Variants in SLC22A2 observed in about 807,000 individuals in gnomAD.
SLC22A2 encodes the protein organic cation transporter 2.
Under a neutral mutation model 60.5 loss-of-function variants are expected in SLC22A2, and 46 were observed. That is an observed-to-expected ratio of 0.76 (90% CI 0.60 to 0.97). The LOEUF (loss-of-function observed/expected upper bound fraction) is 0.97, where lower values mean the gene tolerates loss of function less well. Ranked by LOEUF, SLC22A2 falls within the 50% of genes least tolerant of loss-of-function variation. The pLI is 0.00. For missense variants in SLC22A2, 701 were observed against 706.6 expected, an observed-to-expected ratio of 0.99 and a Z score of 0.09; for synonymous variants, 303 against 267.0, an observed-to-expected ratio of 1.13 and a Z score of -1.31.
intron 9 of SLC22A2, among the ~76,000 whole-genome samples, chr6:160,236,780 GA>G (rs1226700114): frequency 1.3e-5 from 2 of 152,068 alleles, no homozygotes; most frequent in African/African-American, 4.8e-5. Context: ...CCAGGAGCCT[GA>G]GTTACCTAGG....
At position 160,249,318 on chromosome 6, in the gene SLC22A2, A is replaced by G. The variant is rs750500162; in HGVS notation, c.740T>C (p.Val247Ala). ...VGIFYQVAYT[V>A]GLLVLAGVAY... ...CACCCCAGCTAGCACCAGGAGCCCA[A>G]CTGTATAGGCAACTTGGTAAAAAAT... The change falls in exon 4 of 11, where the codon GTT (valine) becomes GCT (alanine). Residue 247 changes from valine (V) to alanine (A), a missense_variant. Coordinates refer to ENST00000366953, the MANE Select transcript of SLC22A2 (RefSeq NM_003058.4). The G allele has an allele frequency of 4.6e-5, 74 of 1,613,460 alleles. No homozygotes were observed. The Admixed American group carries it at 7.0e-4, about 15-fold the overall frequency.
rs1782671194 is a variant in SLC22A2 at position 160,223,251 on chromosome 6, A to C, written c.1601+1454T>G. ...CTAGAATTTTTTAATGTACTGTTTG[A>C]ATGGGTTCATATGGTCCAAAATTCA... On this transcript the variant is annotated intron_variant, in intron 10 of 10. Transcript: ENST00000366953. 2.6e-5 allele frequency among the ~76,000 whole-genome samples: 4 copies of C among 152,304 alleles called. No homozygotes were observed. The South Asian group carries it at 8.3e-4, about 32-fold the overall frequency.
intron 5 of SLC22A2, 40 bp downstream of exon 5, chr6:160,247,144 T>C (rs768928590): frequency 8.5e-7 from 1 of 1,176,990 alleles, no homozygotes. Context: ...AGCCTCCCTT[T>C]TCTCCATCCC....
chr6:160,258,617 A>T lies in SLC22A2; in HGVS notation c.141T>A (p.Pro47=), dbSNP rs1217962527. ...CTCCGGGGCTCCGGCAGCGGTGGTC[A>T]GGGGTGAAGCCCAGGAAGACGATGC... ...YVGIVFLGFT[P]DHRCRSPGVA... is the part of the protein sequence containing the mutation. The change falls in exon 1 of 11, where the codon CCT becomes CCA. Residue 47 remains proline, a synonymous_variant. Transcript: ENST00000366953. 6.2e-7 allele frequency: 1 copy of T among 1,613,800 alleles called. No homozygotes were observed. Among genetic ancestry groups the T allele is most frequent in the African/African-American group, 1.3e-5 (1 of 74,936 alleles).
chr6:160,228,227 C>G (rs756707918), intron 9 of SLC22A2, among the ~76,000 whole-genome samples: 1 of 152,146 alleles, frequency 6.6e-6, no homozygotes, highest in Non-Finnish European at 1.5e-5. Flanking sequence ...CTGGTGAACC[C>G]TGAAGGGAGG....
intron 9 of SLC22A2, among the ~76,000 whole-genome samples, chr6:160,234,243 T>G (rs1412154636): frequency 6.6e-6 from 1 of 152,206 alleles, no homozygotes; most frequent in Non-Finnish European, 1.5e-5. Context: ...GGACTCAGCC[T>G]GCCTGCACCC....
At chr6:160,222,377 AC>A (rs1271134426) in intron 10 of SLC22A2, among the ~76,000 whole-genome samples, 1 of 152,202 alleles carries the variant, frequency 6.6e-6, no homozygotes, top group Non-Finnish European at 1.5e-5. Flanking sequence ...GGGAAATGTG[AC>A]GGCAGGGCTC....
intron 2 of SLC22A2, among the ~76,000 whole-genome samples, chr6:160,255,128 T>C (rs1783248470): frequency 6.6e-6 from 1 of 152,176 alleles, no homozygotes; most frequent in South Asian, 2.1e-4. Context: ...TAAAGAATCA[T>C]CCTCAATTCT....
At position 160,217,728 on chromosome 6, in the gene SLC22A2, G is replaced by A. The variant is rs184290042; in HGVS notation, c.1602-230C>T. On this transcript the variant is annotated intron_variant, in intron 10 of 10. Transcript: ENST00000366953. ...AAATTATCTTGTTGAATTGGTACTG[G>A]CCTAAATAAGTTCCTTTTTTAGGGT... Among the ~76,000 whole-genome samples the A allele has an allele frequency of 8.5e-5, 13 of 152,246 alleles. No individual in the cohort carries two copies. The East Asian group carries it at 2.3e-3, about 27-fold the overall frequency.
rs1458549751 is a variant in SLC22A2 at position 160,245,542 on chromosome 6, G to C, written c.961C>G (p.Leu321Val). The part of the protein sequence containing the change: ...GKSLPASLQR[L>V]RLEEETGKKL... Reference sequence around the variant, plus strand: ...TTGCCAGTTTCCTCTTCAAGTCTCAGGCGCTAAGAAAAGGAATAGAAAGGA... The same window carrying C: ...TTGCCAGTTTCCTCTTCAAGTCTCACGCGCTAAGAAAAGGAATAGAAAGGA... Residue 321 changes from leucine (L) to valine (V), a missense_variant, in exon 6 of 11, where the codon CTG becomes GTG. By Grantham distance (32) the Leu-to-Val change is conservative. Transcript: ENST00000366953. 1.9e-6 allele frequency: 3 copies of C among 1,605,092 alleles called. No homozygotes were observed. Among genetic ancestry groups the C allele is most frequent in the Admixed American group, 3.4e-5 (2 of 59,582 alleles).
chr6:160,237,232 C>T (rs554135765), intron 9 of SLC22A2, among the ~76,000 whole-genome samples: 12 of 152,262 alleles, frequency 7.9e-5, no homozygotes, highest in Admixed American at 7.8e-4. Context: ...ATTCTGGGCT[C>T]ATTGGAATCA....
intron 10 of SLC22A2, among the ~76,000 whole-genome samples, chr6:160,220,213 A>G (rs1268083318): frequency 6.6e-6 from 1 of 152,218 alleles, no homozygotes; most frequent in African/African-American, 2.4e-5. Flanking sequence ...CATTTCAACA[A>G]TGTTCACAGG....
At chr6:160,246,034 A>T (rs976213520) in intron 5 of SLC22A2, among the ~76,000 whole-genome samples, 12 of 151,822 alleles carry the variant, frequency 7.9e-5, no homozygotes, top group African/African-American at 2.7e-4. Flanking sequence ...TGCCCAGCTA[A>T]TTTTTGTATT....
chr6:160,241,515 C>T lies in SLC22A2; in HGVS notation c.1460G>A (p.Arg487Gln), dbSNP rs151282335. ...GAGCTCAAGCCAGATGTTAGTGAGC[C>T]GGTAGACCAGGAATGGCGTGATGAT... ...GGIITPFLVY[R>Q]LTNIWLELPL... Residue 487 changes from arginine (R) to glutamine (Q), a missense_variant, in exon 9 of 11, where the codon CGG (arginine) becomes CAG (glutamine). Physicochemically the swap from Arg to Gln is conservative, Grantham distance 43 (BLOSUM62 1). Coordinates refer to ENST00000366953, the MANE Select transcript of SLC22A2 (RefSeq NM_003058.4). 62 of 1,613,536 alleles carry T rather than the reference C, an allele frequency of 3.8e-5. No individual in the cohort carries two copies. In the Admixed American group the frequency reaches 5.8e-4, roughly 15 times the overall value.
intron 9 of SLC22A2, among the ~76,000 whole-genome samples, chr6:160,241,130 C>CAG (rs4646238): frequency 2.6e-5 from 4 of 152,106 alleles, no homozygotes; most frequent in South Asian, 4.1e-4. Context: ...TGGAAATCAG[C>CAG]AGAGAGAGAG....
chr6:160,221,063 T>G (rs1782636916), intron 10 of SLC22A2, among the ~76,000 whole-genome samples: 2 of 152,208 alleles, frequency 1.3e-5, no homozygotes, highest in African/African-American at 4.8e-5. Flanking sequence ...TCGCTCTTCA[T>G]GAAAGTCCTA....
At chr6:160,218,690 T>G (rs201874514) in intron 10 of SLC22A2, among the ~76,000 whole-genome samples, 4 of 868 alleles carry the variant, frequency 4.6e-3, no homozygotes, top group Non-Finnish European at 7.3e-3. Flanking sequence ...AGTAACAGCA[T>G]CAGCAGCAGC....
chr6:160,249,261 T>C lies in SLC22A2; in HGVS notation c.797A>G (p.Gln266Arg). 2 of 1,611,596 alleles carry C rather than the reference T, an allele frequency of 1.2e-6. No individual in the cohort carries two copies. The highest frequency in any genetic ancestry group is 8.5e-7 in the Non-Finnish European group (1 of 1,178,814). Reference protein sequence around the residue: ...AYALPHWRWLQFTVSLPNFFF... With the variant: ...AYALPHWRWLRFTVSLPNFFF... ...GAAGTTGGGCAGAGAAACTGTGAAC[T>C]GCAACCACCTCCAGTGAGGAAGTGC... The change falls in exon 4 of 11, where the codon CAG becomes CGG. Residue 266 changes from glutamine to arginine, a missense_variant. Coordinates refer to ENST00000366953, the MANE Select transcript of SLC22A2 (RefSeq NM_003058.4).
rs755541767 is a variant in SLC22A2, at chr6:160,241,426, T to C, written c.1501+48A>G. The C allele has an allele frequency of 3.3e-6, 4 of 1,217,130 alleles. No individual in the cohort carries two copies. The South Asian group carries it at 3.7e-5, about 11-fold the overall frequency. 75.4% of individuals were successfully genotyped at this position (1,217,130 alleles called of 1,614,324 possible). A position where few individuals can be genotyped will look rare whatever the true frequency, so the allele number is the denominator to read the frequency against. The stretch of plus-strand genomic sequence containing the variant: ...ATGAAGTAGAAGAGAAGTGAAGGTC[T>C]CTAGAAAAATAAGTTTTCACTTAAA... On this transcript the variant is annotated intron_variant, in intron 9 of 10. Coordinates refer to ENST00000366953, the MANE Select transcript of SLC22A2 (RefSeq NM_003058.4).
Sources: allele counts gnomAD v4.1 joint callset (sites outside exome capture counted in the v4.1 genomes callset), GRCh38; gene constraint gnomAD v4.1.1; transcripts MANE v1.5; gene names NCBI Gene and HGNC (gene_info 2026-07-23, HGNC 2026-07-21).